The following CDK12 variants were observed in gnomAD, a reference collection of about 807,000 sequenced individuals.
CDK12 encodes the protein cyclin dependent kinase 12, also known as cyclin-dependent kinase 12.
CDK12 carries 17 observed loss-of-function variants against 133.8 expected under a neutral mutation model. That is an observed-to-expected ratio of 0.13 (90% CI 0.09 to 0.19). The LOEUF is 0.19. Among genes scored for constraint, CDK12 ranks in the 10% least tolerant of loss-of-function variants. The pLI is 1.00. For missense variants in CDK12, 1,508 were observed against 1,818.7 expected (o/e 0.83, Z 3.11); for synonymous variants, 694 against 683.6 (o/e 1.02, Z -0.24).
At chr17:39,529,803 C>T (rs188137796) in intron 13 of CDK12, 37 of 152,092 alleles carry the variant, frequency 2.4e-4, no homozygotes, top group African/African-American at 8.9e-4. Context: ...TTCTTGTCAC[C>T]GTCTCCAAGA....
At chr17:39,530,513 A>G in intron 13 of CDK12, 91 bp from the exon 14 acceptor site, 1 of 1,476,276 alleles carries the variant, frequency 6.8e-7, no homozygotes, top group Non-Finnish European at 9.0e-7. Context: ...ACTTATATTG[A>G]TATTTGTTTA....
Position 39,471,085 on chromosome 17 carries a change from A to G in CDK12, c.1253A>G (p.Lys418Arg). 1 of 1,613,710 alleles carries G rather than the reference A, an allele frequency of 6.2e-7. No individual in the cohort carries two copies. The highest frequency in any genetic ancestry group is 8.5e-7 in the Non-Finnish European group (1 of 1,179,864). ...GCTGCTGCAGCAAAGATGGATGGAA[A>G]GGAGTCCAAGGGTTCACCTGTATTT... ...AAAAAAKMDG[K>R]ESKGSPVFLP... The change falls in exon 2 of 14, where the codon AAG (lysine) becomes AGG (arginine). Residue 418 changes from lysine to arginine, a missense_variant. By Grantham distance (26) the Lys-to-Arg change is conservative (BLOSUM62 2). This residue lies in a region of CDK12 where 347 missense variants were observed against 330.8 expected (regional missense o/e 1.05). Coordinates refer to ENST00000447079, the MANE Select transcript of CDK12 (RefSeq NM_016507.4).
Position 39,563,207 on chromosome 17 carries a change from G to A in CDK12, n.485-1553G>A, listed in dbSNP as rs376011017. 2.0e-5 allele frequency among the ~76,000 whole-genome samples: 3 copies of A among 151,878 alleles called. No individual in the cohort carries two copies. In the South Asian group the frequency reaches 6.3e-4, roughly 32 times the overall value. On this transcript the variant is annotated intron_variant and non_coding_transcript_variant, in intron 3 of 3. Coordinates refer to the CDK12 transcript ENST00000558240. ...TGCACACACACACACTCACACACAC[G>A]AATACACACAACATGCCTGGGCCAC...
In CDK12 at chr17:39,492,847, A is replaced by G; in HGVS notation, c.2205A>G (p.Glu735=). 1 of 1,613,568 alleles carries G rather than the reference A, an allele frequency of 6.2e-7. No individual in the cohort carries two copies. The highest frequency in any genetic ancestry group is 8.5e-7 in the Non-Finnish European group (1 of 1,179,682). Residue 735 remains glutamate (E), a synonymous_variant, in exon 4 of 14, where the codon GAA becomes GAG. Coordinates refer to ENST00000447079, the MANE Select transcript of CDK12 (RefSeq NM_016507.4). ...TTGACATTATTGGGATTATTGGAGA[A>G]GGAACCTATGGCCAAGTATATAAAG... is the stretch of plus-strand genomic sequence containing the variant. ...DKFDIIGIIG[E]GTYGQVYKAK...
At chr17:39,502,917 C>T (rs1051820723) in intron 6 of CDK12, among the ~76,000 whole-genome samples, 4 of 152,102 alleles carry the variant, frequency 2.6e-5, no homozygotes, top group Non-Finnish European at 4.4e-5. Context: ...TGGATAGTTA[C>T]ATAGAGCCCA....
intron 3 of CDK12, among the ~76,000 whole-genome samples, chr17:39,491,200 G>C (rs2145835165): frequency 6.6e-6 from 1 of 152,078 alleles, no homozygotes; most frequent in Non-Finnish European, 1.5e-5. Context: ...AATAAAAATA[G>C]GTATCATTTA....
chr17:39,486,352 C>A (rs2051132162), intron 2 of CDK12, among the ~76,000 whole-genome samples: 1 of 150,940 alleles, frequency 6.6e-6, no homozygotes, highest in Non-Finnish European at 1.5e-5. Flanking sequence ...ACCTTGGCCT[C>A]CTTCCCTGGC....
intron 2 of CDK12, among the ~76,000 whole-genome samples, chr17:39,482,598 C>CTTTTTTTTTTTTTT (rs1440834572): frequency 3.7e-5 from 2 of 53,518 alleles, no homozygotes; most frequent in Non-Finnish European, 1.1e-4. Context: ...CAATCAACTA[C>CTTTTTTTTTTTTTT]ATTTTTTTTT....
At chr17:39,524,611 C>T in intron 11 of CDK12, 63 bp from the exon 12 acceptor site, 1 of 1,355,902 alleles carries the variant, frequency 7.4e-7, no homozygotes, top group Non-Finnish European at 1.0e-6. Context: ...TAATCCTTTG[C>T]TCCTCCATTC....
intron 13 of CDK12, among the ~76,000 whole-genome samples, chr17:39,528,814 A>C (rs2054644938): frequency 6.6e-6 from 1 of 152,238 alleles, no homozygotes; most frequent in African/African-American, 2.4e-5. Flanking sequence ...ACACATTTTT[A>C]AGTTATTTGA....
chr17:39,532,251 A>T lies in CDK12; in HGVS notation c.*935A>T. Reference sequence around the variant, plus strand: ...ATAATTCTTTACTTTTTTTGAAATAAAGGAAAGGAAATTCAGACTCTTACA... The same window carrying T: ...ATAATTCTTTACTTTTTTTGAAATATAGGAAAGGAAATTCAGACTCTTACA... On this transcript the variant is annotated 3_prime_UTR_variant, in exon 14 of 14. Coordinates refer to ENST00000447079, the MANE Select transcript of CDK12 (RefSeq NM_016507.4). 1 of 233,232 alleles carries T rather than the reference A, an allele frequency of 4.3e-6. No homozygotes were observed. Among genetic ancestry groups the T allele is most frequent in the Non-Finnish European group, 8.5e-6 (1 of 118,000 alleles). The allele number at this position is 233,232 out of a possible 1,614,324, so 14.4% of individuals were successfully genotyped here.
intron 1 of CDK12, among the ~76,000 whole-genome samples, chr17:39,469,488 A>G (rs1411682665): frequency 6.6e-6 from 1 of 152,260 alleles, no homozygotes; most frequent in South Asian, 2.1e-4. Flanking sequence ...TTACAACTTT[A>G]TTATAAACTG....
chr17:39,555,260 A>T (rs181913292), intron 2 of CDK12, among the ~76,000 whole-genome samples: 168 of 152,316 alleles, frequency 1.1e-3, no homozygotes, highest in African/African-American at 3.1e-3. Flanking sequence ...CTCAAAAAAT[A>T]AATTAATTAA....
intron 2 of CDK12, among the ~76,000 whole-genome samples, chr17:39,480,078 C>T (rs927001015): frequency 6.6e-6 from 1 of 151,866 alleles, no homozygotes; most frequent in Non-Finnish European, 1.5e-5. Flanking sequence ...CCCCCGCCAT[C>T]ACGCCTAGCT....
At chr17:39,489,052 C>T (rs2051362159) in intron 2 of CDK12, among the ~76,000 whole-genome samples, 1 of 151,578 alleles carries the variant, frequency 6.6e-6, no homozygotes, top group African/African-American at 2.4e-5. Flanking sequence ...TCTCGAGTAG[C>T]TGGAATTACA....
At chr17:39,518,022 G>A (rs1335961439) in intron 10 of CDK12, among the ~76,000 whole-genome samples, 2 of 148,900 alleles carry the variant, frequency 1.3e-5, no homozygotes, top group East Asian at 2.0e-4. Flanking sequence ...TTGCCACTTA[G>A]GCTGGAGTGC....
At chr17:39,567,417 T>C (rs1000973350), downstream of CDK12, 7 of 152,248 alleles carry the variant, frequency 4.6e-5, no homozygotes, top group South Asian at 8.3e-4. Flanking sequence ...CCTAGTTTCA[T>C]TGGATGGAAA....
chr17:39,475,898 G>C (rs977531210), intron 2 of CDK12, among the ~76,000 whole-genome samples: 3 of 151,886 alleles, frequency 2.0e-5, no homozygotes, highest in Non-Finnish European at 4.4e-5. Context: ...AATATAGATA[G>C]ATAAAAGCCA....
At chr17:39,526,418 C>T in intron 13 of CDK12, 102 bp downstream of exon 13, 1 of 833,864 alleles carries the variant, frequency 1.2e-6, no homozygotes, top group Non-Finnish European at 1.8e-6. Flanking sequence ...GCCTTGGTTT[C>T]AGTTATTCTG....
Sources: allele counts gnomAD v4.1 joint callset (sites outside exome capture counted in the v4.1 genomes callset), GRCh38; gene constraint gnomAD v4.1.1; regional missense constraint gnomAD v4.1.1; transcripts MANE v1.5; gene names NCBI Gene and HGNC (gene_info 2026-07-23, HGNC 2026-07-21).